Variants in NBPF12 observed in about 807,000 individuals in gnomAD.
The protein encoded by NBPF12 is NBPF member 12.
In NBPF12, 115 loss-of-function variants were observed where a neutral mutation model predicts 146.4. That is an observed-to-expected ratio of 0.79 (90% confidence interval 0.68 to 0.92). The LOEUF (loss-of-function observed/expected upper bound fraction) is 0.92. NBPF12 is among the 40% of genes least tolerant of loss of function. NBPF12 has a pLI of 0.00. For missense variants in NBPF12, 1,205 were observed against 1,326.8 expected, an observed-to-expected ratio of 0.91 and a Z score of 1.43; for synonymous variants, 385 against 508.9, an observed-to-expected ratio of 0.76 and a Z score of 3.28.
chr1:146,981,462 C>T (rs1203412368), intron 19 of NBPF12, among the ~76,000 whole-genome samples: 3 of 151,290 alleles, frequency 2.0e-5, no homozygotes, highest in Non-Finnish European at 4.4e-5. Context: ...GGTAATCCGA[C>T]CTTTCTCTCT....
chr1:146,972,101 AAAGT>A (rs1389140641), intron 13 of NBPF12, among the ~76,000 whole-genome samples: 13 of 149,012 alleles, frequency 8.7e-5, no homozygotes, highest in African/African-American at 1.3e-4. Context: ...AAAAAAAAAA[AAAGT>A]AAGTCTCTGA....
At chr1:146,965,810 A>AC (rs1656162687) in intron 8 of NBPF12, among the ~76,000 whole-genome samples, 1 of 144,054 alleles carries the variant, frequency 6.9e-6, no homozygotes, top group African/African-American at 2.6e-5. Flanking sequence ...AAAAAAAAAA[A>AC]AAAAAAAAAA....
chr1:146,963,350 T>A, intron 6 of NBPF12, 41 bp downstream of exon 9: 1 of 1,592,888 alleles, frequency 6.3e-7, no homozygotes, highest in Non-Finnish European at 8.6e-7. Context: ...AACCCCAGGC[T>A]TATGAGAGGC....
chr1:146,957,987 G>GTA (rs1228192892), intron 2 of NBPF12, among the ~76,000 whole-genome samples: 7,230 of 115,526 alleles, frequency 0.063, 1,196 homozygotes, highest in African/African-American at 0.2. Context: ...ATATGTGTGT[G>GTA]TATATATATA....
At position 146,966,513 on chromosome 1, in the gene NBPF12, C is replaced by T. The variant is rs1410398205; in HGVS notation, c.828C>T (p.Ala276=). 1.1e-4 allele frequency: 156 copies of T among 1,477,874 alleles called. 2 individuals are homozygous for T. Among genetic ancestry groups the T allele is most frequent in the South Asian group, 8.5e-4 (75 of 88,198 alleles). The allele number at this position is 1,477,874 out of a possible 1,614,324, so 91.5% of individuals were successfully genotyped here. ...CAAACGTCAGCATGGTGGTATCAGCCGGCCCTTTGTCCAGCGAGAAGGCAG... is the reference window on the plus strand; with the variant it reads ...CAAACGTCAGCATGGTGGTATCAGCTGGCCCTTTGTCCAGCGAGAAGGCAG... Residue 276 remains alanine (A), a synonymous_variant, in exon 9 of 34, where the codon GCC becomes GCT. Transcript: ENST00000617844.
At chr1:146,953,167 C>T (rs1411817698) in intron 2 of NBPF12, among the ~76,000 whole-genome samples, 2 of 130,004 alleles carry the variant, frequency 1.5e-5, no homozygotes, top group East Asian at 2.5e-4. Context: ...TGGGACTTGG[C>T]TGTCTAGAGA....
chr1:146,980,477 GCTTC>G (rs1657302931), intron 19 of NBPF12, among the ~76,000 whole-genome samples: 1 of 151,734 alleles, frequency 6.6e-6, no homozygotes. Flanking sequence ...CATGTTTAGT[GCTTC>G]CTTTAGGAGC....
chr1:146,960,723 C>A (rs1237589742), intron 4 of NBPF12, among the ~76,000 whole-genome samples: 1 of 151,874 alleles, frequency 6.6e-6, no homozygotes, highest in Non-Finnish European at 1.5e-5. Context: ...TGTTGAGGCC[C>A]AACAGGCAAA....
At chr1:146,970,832 A>T (rs1656559385) in intron 12 of NBPF12, 113 bp downstream of exon 15, 8 of 1,075,656 alleles carry the variant, frequency 7.4e-6, no homozygotes, top group Non-Finnish European at 1.2e-5. Context: ...CCTTGGCCAC[A>T]GTATGTGAAA....
intron 1 of NBPF12, 106 bp downstream of exon 1, chr1:146,939,118 T>G (rs1311011281): frequency 6.6e-5 from 10 of 152,126 alleles, no homozygotes; most frequent in African/African-American, 1.2e-4. Flanking sequence ...ACTGCCGGGC[T>G]CCGCAGGGCT....
At chr1:146,972,888 T>C in exon 14 of NBPF12, 1 of 1,082,818 alleles carries the variant, frequency 9.2e-7, no homozygotes, top group East Asian at 2.4e-5. Flanking sequence ...GAAACAGCAG[T>C]TCAGAAGCCT....
At chr1:146,939,527 A>G (rs1444752539) in intron 1 of NBPF12, among the ~76,000 whole-genome samples, 1 of 151,954 alleles carries the variant, frequency 6.6e-6, no homozygotes, top group African/African-American at 2.4e-5. Flanking sequence ...CAAGCCTCCA[A>G]TTAACCACAG....
rs1187163447 is a variant in NBPF12, at chr1:146,982,582, A to G, written c.2451-346A>G. Among the ~76,000 whole-genome samples the G allele has an allele frequency of 1.5e-3, 233 of 152,104 alleles. 4 individuals are homozygous for G. The Middle Eastern group carries it at 0.02, about 13-fold the overall frequency. On this transcript the variant is annotated intron_variant, in intron 19 of 33. Coordinates refer to ENST00000617844, the Ensembl canonical transcript of NBPF12. The stretch of plus-strand genomic sequence containing the variant: ...TGGGTCAAGAACTCTCTTGACTTGA[A>G]TGCTGCGTGTAAAATTCAACCCAAT...
intron 8 of NBPF12, among the ~76,000 whole-genome samples, chr1:146,966,228 G>T (rs1386863202): frequency 6.6e-6 from 1 of 151,984 alleles, no homozygotes; most frequent in Admixed American, 6.6e-5. Flanking sequence ...TTGCTTTATA[G>T]AAACGTATAA....
chr1:146,964,596 T>C (rs1420869627), intron 7 of NBPF12, among the ~76,000 whole-genome samples, 167 bp downstream of exon 10: 3 of 151,930 alleles, frequency 2.0e-5, no homozygotes, highest in Non-Finnish European at 2.9e-5. Flanking sequence ...GTCATGTTTC[T>C]CTATGTGTGC....
At chr1:146,982,761 C>T (rs1657475568) in intron 19 of NBPF12, among the ~76,000 whole-genome samples, 167 bp from the exon 23 acceptor site, 2 of 151,530 alleles carry the variant, frequency 1.3e-5, no homozygotes, top group African/African-American at 4.9e-5. Context: ...AGAGCAGTCA[C>T]CCTCCACCCT....
chr1:146,992,633 G>A lies in NBPF12; in HGVS notation c.3849-79G>A, dbSNP rs1658276485. On this transcript the variant is annotated intron_variant, in intron 31 of 33. Transcript: ENST00000617844. ...TTACTTTTTTTAACCACTTCCTTAT[G>A]CTACCCATGAAACCTAGTTGGGGCT... The A allele has an allele frequency of 3.9e-6, 3 of 774,784 alleles. No individual in the cohort carries two copies. In the South Asian group the frequency reaches 4.0e-5, roughly 10 times the overall value. 48.0% of individuals were successfully genotyped at this position (774,784 alleles called of 1,614,324 possible).
At chr1:146,976,747 A>T (rs1657060058) in intron 16 of NBPF12, among the ~76,000 whole-genome samples, 182 bp from the exon 20 acceptor site, 2 of 150,894 alleles carry the variant, frequency 1.3e-5, no homozygotes, top group African/African-American at 4.9e-5. Flanking sequence ...TCCAGATCAG[A>T]AATGCATTGC....
upstream of NBPF12, among the ~76,000 whole-genome samples, chr1:146,944,395 TG>T (rs1278544544): frequency 5.9e-3 from 861 of 144,726 alleles, 63 homozygotes; most frequent in Non-Finnish European, 1.0e-2. Flanking sequence ...CCTGGGGGAG[TG>T]GGAGCCAGTG....
Sources: allele counts gnomAD v4.1 joint callset (sites outside exome capture counted in the v4.1 genomes callset), GRCh38; gene constraint gnomAD v4.1.1; transcripts MANE v1.5; gene names NCBI Gene and HGNC (gene_info 2026-07-23, HGNC 2026-07-21).